Variants in ERBB4 observed in about 807,000 individuals in gnomAD.
ERBB4 encodes receptor tyrosine-protein kinase erbB-4.
A neutral mutation model predicts 158.0 loss-of-function variants in ERBB4; 42 were observed. The ratio of observed to expected loss-of-function variants is 0.27; its 90% CI spans 0.21 to 0.34. The LOEUF is 0.34. ERBB4 is among the 10% of genes least tolerant of loss of function. The pLI, the probability that ERBB4 is intolerant of heterozygous loss-of-function variation, is 1.00. For synonymous variants in ERBB4, 583 were observed against 558.7 expected (o/e 1.04, Z -0.61); for missense variants, 1,333 against 1,624.1 (o/e 0.82, Z 3.08).
intron 1 of ERBB4, among the ~76,000 whole-genome samples, chr2:212,314,567 A>T (rs1470972035): frequency 1.3e-5 from 2 of 151,202 alleles, no homozygotes; most frequent in African/African-American, 4.8e-5. Context: ...TTTTAAAAAA[A>T]ATCCAAAATA....
At chr2:211,829,231 CATT>C (rs1313488558) in intron 3 of ERBB4, among the ~76,000 whole-genome samples, 5 of 152,144 alleles carry the variant, frequency 3.3e-5, no homozygotes, top group Non-Finnish European at 7.4e-5. Flanking sequence ...GTGGTCACAT[CATT>C]ATTTTCAGTT....
At chr2:212,273,885 T>C (rs1458470334) in intron 1 of ERBB4, among the ~76,000 whole-genome samples, 1 of 151,764 alleles carries the variant, frequency 6.6e-6, no homozygotes, top group Non-Finnish European at 1.5e-5. Context: ...TAGAGTATAA[T>C]GTATCTTTGA....
chr2:212,128,586 T>A (rs1202570954), intron 1 of ERBB4, among the ~76,000 whole-genome samples: 1 of 152,192 alleles, frequency 6.6e-6, no homozygotes, highest in African/African-American at 2.4e-5. Context: ...ATCAATACCA[T>A]CAAGATAATG....
At chr2:211,529,315 A>G (rs957111894) in intron 20 of ERBB4, among the ~76,000 whole-genome samples, 6 of 152,026 alleles carry the variant, frequency 3.9e-5, no homozygotes, top group African/African-American at 1.4e-4. Flanking sequence ...GAAGAAATCC[A>G]AAACCTGAAC....
chr2:211,646,282 TA>T (rs1354051025), intron 16 of ERBB4, among the ~76,000 whole-genome samples: 2 of 151,330 alleles, frequency 1.3e-5, no homozygotes, highest in South Asian at 2.1e-4. Flanking sequence ...TAAATTTTAT[TA>T]AAAATATATT....
intron 1 of ERBB4, among the ~76,000 whole-genome samples, chr2:212,304,509 T>G (rs1169968270): frequency 2.0e-5 from 3 of 151,462 alleles, no homozygotes; most frequent in South Asian, 2.1e-4. Context: ...CAGAGACTTA[T>G]TTCTACCAAT....
chr2:212,309,345 T>C (rs901933089), intron 1 of ERBB4, among the ~76,000 whole-genome samples: 2 of 151,004 alleles, frequency 1.3e-5, no homozygotes, highest in South Asian at 2.1e-4. Context: ...GATTAACATA[T>C]TTATCCACCA....
chr2:212,418,562 G>T (rs1473549883), intron 1 of ERBB4, among the ~76,000 whole-genome samples: 5 of 150,476 alleles, frequency 3.3e-5, no homozygotes, highest in Admixed American at 3.3e-4. Context: ...TATATTTGAA[G>T]TCCATAAAAT....
intron 16 of ERBB4, among the ~76,000 whole-genome samples, chr2:211,653,546 A>G (rs2071089849): frequency 6.7e-6 from 1 of 149,028 alleles, no homozygotes; most frequent in African/African-American, 2.5e-5. Context: ...AGGACTATGA[A>G]CACTAAATAT....
At chr2:211,419,795 T>C (rs1183152388) in intron 25 of ERBB4, among the ~76,000 whole-genome samples, 2 of 152,106 alleles carry the variant, frequency 1.3e-5, no homozygotes, top group Non-Finnish European at 2.9e-5. Flanking sequence ...AATAAATGCA[T>C]GGATTTGACA....
chr2:212,486,918 ATAC>A (rs1169462582), intron 1 of ERBB4, among the ~76,000 whole-genome samples: 3 of 152,198 alleles, frequency 2.0e-5, no homozygotes, highest in South Asian at 2.1e-4. Context: ...TTTTTAAGTT[ATAC>A]TACTACATTA....
chr2:212,205,498 G>C (rs2082720028), intron 1 of ERBB4, among the ~76,000 whole-genome samples: 1 of 152,004 alleles, frequency 6.6e-6, no homozygotes, highest in South Asian at 2.1e-4. Flanking sequence ...TGATATTATA[G>C]AAACCATTTT....
intron 3 of ERBB4, among the ~76,000 whole-genome samples, chr2:211,818,085 C>T (rs2076916479): frequency 6.6e-6 from 1 of 152,074 alleles, no homozygotes; most frequent in East Asian, 1.9e-4. Context: ...TTAAAATTGA[C>T]AAATTGAAGA....
chr2:211,500,672 C>A (rs967802615), intron 20 of ERBB4, among the ~76,000 whole-genome samples: 1 of 151,860 alleles, frequency 6.6e-6, no homozygotes, highest in Non-Finnish European at 1.5e-5. Context: ...AAGAAAAGAT[C>A]TTTTTTCTTT....
intron 2 of ERBB4, among the ~76,000 whole-genome samples, chr2:212,027,561 G>A (rs937355954): frequency 7.2e-5 from 11 of 152,056 alleles, no homozygotes; most frequent in African/African-American, 1.4e-4. Context: ...TTAAGGGTCT[G>A]GAGAATTGTT....
chr2:211,846,052 G>GT (rs5838288), intron 3 of ERBB4, among the ~76,000 whole-genome samples: 37,559 of 145,618 alleles, frequency 0.26, 6,314 homozygotes, highest in African/African-American at 0.48. Flanking sequence ...GTTAATTGTT[G>GT]TTTTTTTTTT....
Position 211,722,413 on chromosome 2 carries a change from A to C in ERBB4, c.863T>G (p.Phe288Cys). ...NFNAKYTYGA[F>C]CVKKCPHNFV... ...CTTACGTGGACATTTCTTGACACAG[A>C]ATGCTCCATATGTGTACTTTGCATT... The change falls in exon 7 of 28, where the codon TTC (phenylalanine) becomes TGC (cysteine). Residue 288 changes from phenylalanine (F) to cysteine (C), a missense_variant. Physicochemically the swap from Phe to Cys is radical, Grantham distance 205 (BLOSUM62 -2). Coordinates refer to ENST00000342788, the MANE Select transcript of ERBB4 (RefSeq NM_005235.3). 2 of 1,613,794 alleles carry C rather than the reference A, an allele frequency of 1.2e-6. No individual in the cohort carries two copies. Among genetic ancestry groups the C allele is most frequent in the Non-Finnish European group, 1.7e-6 (2 of 1,179,698 alleles).
intron 3 of ERBB4, among the ~76,000 whole-genome samples, chr2:211,846,054 T>TG (rs897357033): frequency 2.8e-5 from 4 of 143,904 alleles, no homozygotes; most frequent in African/African-American, 5.8e-5. Context: ...TAATTGTTGT[T>TG]TTTTTTTTTC....
At chr2:212,315,601 C>G (rs2087237360) in intron 1 of ERBB4, among the ~76,000 whole-genome samples, 1 of 151,400 alleles carries the variant, frequency 6.6e-6, no homozygotes, top group Non-Finnish European at 1.5e-5. Context: ...GTTATAGTTT[C>G]TTGTTTGCAA....
Sources: allele counts gnomAD v4.1 joint callset (sites outside exome capture counted in the v4.1 genomes callset), GRCh38; gene constraint gnomAD v4.1.1; transcripts MANE v1.5; gene names NCBI Gene and HGNC (gene_info 2026-07-23, HGNC 2026-07-21).